The following MOV10L1 variants were observed in gnomAD, a reference collection of about 807,000 sequenced individuals.
MOV10L1 encodes Mov10 like RNA helicase 1.
Under a neutral mutation model 143.8 loss-of-function variants are expected in MOV10L1, and 110 were observed. That is an observed-to-expected ratio of 0.76 (90% CI 0.66 to 0.90). The LOEUF is 0.90. Among genes scored for constraint, MOV10L1 ranks in the 40% least tolerant of loss-of-function variants. The pLI, the probability that MOV10L1 is intolerant of heterozygous loss-of-function variation, is 0.00. For missense variants in MOV10L1, 1,406 were observed against 1,526.8 expected, an observed-to-expected ratio of 0.92 and a Z score of 1.32; for synonymous variants, 593 against 581.1, an observed-to-expected ratio of 1.02 and a Z score of -0.29.
intron 3 of MOV10L1, among the ~76,000 whole-genome samples, chr22:50,100,093 T>TTG (rs1189281533): frequency 6.6e-6 from 1 of 151,726 alleles, no homozygotes; most frequent in Non-Finnish European, 1.5e-5. Flanking sequence ...CTGGGTTTGA[T>TTG]TGATTCTCCT....
chr22:50,133,039 A>AC (rs2062720340), intron 13 of MOV10L1, among the ~76,000 whole-genome samples: 1 of 143,114 alleles, frequency 7.0e-6, no homozygotes, highest in Admixed American at 7.6e-5. Flanking sequence ...CGTCTGAAAA[A>AC]AAAAAAACCA....
At chr22:50,153,260 G>A in intron 22 of MOV10L1, 42 bp downstream of exon 22, 2 of 1,571,798 alleles carry the variant, frequency 1.3e-6, no homozygotes, top group Non-Finnish European at 8.7e-7. Context: ...TGTCGGGTAA[G>A]GACAGTATGG....
At chr22:50,150,921 G>A (rs780587974) in intron 21 of MOV10L1, 22 bp downstream of exon 21, 35 of 1,613,528 alleles carry the variant, frequency 2.2e-5, no homozygotes, top group South Asian at 4.4e-5. Context: ...ACTCCAGCGC[G>A]TTCAGGTCCC....
chr22:50,130,183 G>A (rs2062630954), intron 13 of MOV10L1, among the ~76,000 whole-genome samples: 1 of 152,134 alleles, frequency 6.6e-6, no homozygotes, highest in South Asian at 2.1e-4. Context: ...GCTGAGGCAG[G>A]AGAATTGCTT....
At chr22:50,157,170 C>T (rs1602370022) in intron 22 of MOV10L1, among the ~76,000 whole-genome samples, 1 of 152,178 alleles carries the variant, frequency 6.6e-6, no homozygotes, top group South Asian at 2.1e-4. Context: ...GAATTCAGGT[C>T]CTTTGCCCAT....
chr22:50,112,985 G>A (rs2062064486), intron 5 of MOV10L1, among the ~76,000 whole-genome samples: 1 of 152,152 alleles, frequency 6.6e-6, no homozygotes, highest in African/African-American at 2.4e-5. Flanking sequence ...TTTGCAGCAG[G>A]GGCCAGAAGT....
intron 18 of MOV10L1, 26 bp from the exon 19 acceptor site, chr22:50,145,663 C>CG (rs769902064): frequency 3.1e-6 from 5 of 1,612,452 alleles, no homozygotes; most frequent in Non-Finnish European, 4.2e-6. Context: ...GAGGAGTAAA[C>CG]TAACTCTACG....
chr22:50,159,880 C>A lies in MOV10L1; in HGVS notation c.3324+95C>A. On this transcript the variant is annotated intron_variant, in intron 24 of 26. Coordinates refer to ENST00000262794, the MANE Select transcript of MOV10L1 (RefSeq NM_018995.3). The surrounding 1 kb of genome is among the most constrained non-coding windows in gnomAD (Gnocchi z 4.1). ...AGATCTAAAGGGGCAGAGGCTGATT[C>A]CCAGCCCAGAGAAGCAGCTGCAGGC... The A allele has an allele frequency of 1.3e-6, 1 of 792,690 alleles. No homozygotes were observed. The highest frequency in any genetic ancestry group is 2.1e-6 in the Non-Finnish European group (1 of 478,728). The allele number at this position is 792,690 out of a possible 1,614,324, so 49.1% of individuals were successfully genotyped here.
In MOV10L1 at chr22:50,158,268, T is replaced by A; in HGVS notation, c.3216+62T>A. 6.3e-7 allele frequency: 1 copy of A among 1,596,004 alleles called. No homozygotes were observed. The highest frequency in any genetic ancestry group is 1.1e-5 in the South Asian group (1 of 89,802). On this transcript the variant is annotated intron_variant, in intron 23 of 26. Transcript: ENST00000262794. This position sits in a 1 kb window ranked among gnomAD's most constrained non-coding sequence, Gnocchi z 5.0. ...CCCTGCAGCCCTGCTCCTTGGCTCC[T>A]GCAGCTCCACAGAGGCAGGAACAAG...
intron 2 of MOV10L1, among the ~76,000 whole-genome samples, chr22:50,098,741 C>T (rs2062660423): frequency 6.6e-6 from 1 of 152,146 alleles, no homozygotes; most frequent in East Asian, 1.9e-4. Context: ...GGCATCCTTG[C>T]CTGGTTCCTG....
intron 15 of MOV10L1, 50 bp downstream of exon 15, chr22:50,134,680 G>T: frequency 6.5e-7 from 1 of 1,538,244 alleles, no homozygotes; most frequent in South Asian, 1.1e-5. Flanking sequence ...GCTCAGCGAC[G>T]TGGCTGTCTT....
chr22:50,147,738 T>C (rs2063191049), intron 19 of MOV10L1, among the ~76,000 whole-genome samples: 1 of 152,234 alleles, frequency 6.6e-6, no homozygotes, highest in African/African-American at 2.4e-5. Flanking sequence ...CTGCAATTAA[T>C]ACAGAATTGA....
At chr22:50,106,130 A>T (rs147403374) in intron 3 of MOV10L1, among the ~76,000 whole-genome samples, 252 of 152,248 alleles carry the variant, frequency 1.7e-3, no homozygotes, top group African/African-American at 6.0e-3. Flanking sequence ...TTCAATAGAA[A>T]GGTCTTCTGA....
In MOV10L1 at chr22:50,117,303, A is replaced by G; in HGVS notation, c.1406A>G (p.Gln469Arg). The G allele has an allele frequency of 6.2e-7, 1 of 1,614,206 alleles. No individual in the cohort carries two copies. The highest frequency in any genetic ancestry group is 1.1e-5 in the South Asian group (1 of 91,082). ...TCTTGGAAAAAGCTTAAAAGTTCAC[A>G]AGCGTTAACATCCGCAAAAACTACA... ...PFSWKKLKSSQALTSAKTTVV... is the reference protein window; with the variant it reads ...PFSWKKLKSSRALTSAKTTVV... The change falls in exon 9 of 27, where the codon CAA becomes CGA. Residue 469 changes from glutamine (Q) to arginine (R), a missense_variant. This residue lies in a region of MOV10L1 where 1,233 missense variants were observed against 1,351.4 expected (regional missense o/e 0.91). Coordinates refer to ENST00000262794, the MANE Select transcript of MOV10L1 (RefSeq NM_018995.3).
chr22:50,117,476 G>C (rs536424553), intron 9 of MOV10L1, 125 bp downstream of exon 9: 1 of 954,470 alleles, frequency 1.0e-6, no homozygotes, highest in African/African-American at 1.7e-5. Flanking sequence ...TGAAGCTGGG[G>C]TTCAAGCCTC....
At chr22:50,120,295 C>T (rs1397280121) in intron 9 of MOV10L1, among the ~76,000 whole-genome samples, 1 of 152,158 alleles carries the variant, frequency 6.6e-6, no homozygotes, top group Non-Finnish European at 1.5e-5. Flanking sequence ...TAGTAGAGCA[C>T]TTGTGGGAAC....
chr22:50,120,474 T>C, intron 9 of MOV10L1, 28 bp from the exon 10 acceptor site: 1 of 1,450,454 alleles, frequency 6.9e-7, no homozygotes, highest in East Asian at 2.3e-5. Context: ...AAAGACTTAT[T>C]TTTAACTTGT....
chr22:50,125,310 G>A (rs763805638), intron 10 of MOV10L1, 82 bp from the exon 11 acceptor site: 2 of 1,403,702 alleles, frequency 1.4e-6, no homozygotes, highest in East Asian at 2.3e-5. Context: ...TGGAGCTGTT[G>A]GAACTTTCCT....
At chr22:50,125,305 C>G (rs905257154) in intron 10 of MOV10L1, 87 bp from the exon 11 acceptor site, 99 of 1,335,144 alleles carry the variant, frequency 7.4e-5, no homozygotes, top group Admixed American at 2.3e-4. Context: ...TGAACTGGAG[C>G]TGTTGGAACT....
Sources: allele counts gnomAD v4.1 joint callset (sites outside exome capture counted in the v4.1 genomes callset), GRCh38; gene constraint gnomAD v4.1.1; regional missense constraint gnomAD v4.1.1; non-coding constraint Gnocchi (gnomAD v3.1); transcripts MANE v1.5; gene names NCBI Gene and HGNC (gene_info 2026-07-23, HGNC 2026-07-21).